Variants in HYAL4 observed in about 807,000 individuals in gnomAD.
HYAL4 encodes hyaluronidase 4, also known as hyaluronidase-4.
HYAL4 carries 37 observed loss-of-function variants against 35.2 expected under a neutral mutation model. The observed-to-expected ratio is 1.05, with a 90% confidence interval of 0.81 to 1.38. The LOEUF is 1.38. Among genes scored for constraint, HYAL4 ranks in the 40% most tolerant of loss-of-function variants. The pLI, the probability that HYAL4 is intolerant of heterozygous loss-of-function variation, is 0.00. For synonymous variants in HYAL4, 198 were observed against 203.2 expected, an observed-to-expected ratio of 0.97 and a Z score of 0.22; for missense variants, 572 against 572.4, an observed-to-expected ratio of 1.00 and a Z score of 0.01.
intron 2 of HYAL4, among the ~76,000 whole-genome samples, chr7:123,848,474 T>C (rs1273464419): frequency 3.9e-5 from 6 of 152,128 alleles, no homozygotes; most frequent in African/African-American, 1.4e-4. Flanking sequence ...CTTGTGCACA[T>C]AGTTTCTGTG....
chr7:123,831,198 A>G (rs1005364660), intron 1 of HYAL4, among the ~76,000 whole-genome samples: 1 of 152,106 alleles, frequency 6.6e-6, no homozygotes, highest in African/African-American at 2.4e-5. Context: ...GGAATGAGTG[A>G]GTTCCCTTGT....
At chr7:123,784,987 A>C in the HYAL4 span, among the ~76,000 whole-genome samples, 1 of 152,186 alleles carries the variant, frequency 6.6e-6, no homozygotes, top group African/African-American at 2.4e-5. Flanking sequence ...TGTTTTTCTG[A>C]TCAAAACCAG....
chr7:123,849,314 T>C (rs1806247903), intron 2 of HYAL4, among the ~76,000 whole-genome samples: 1 of 151,996 alleles, frequency 6.6e-6, no homozygotes, highest in South Asian at 2.1e-4. Flanking sequence ...TCTTTCTCTC[T>C]CTCTTTGAGA....
At chr7:123,813,637 C>A in the HYAL4 span, among the ~76,000 whole-genome samples, 1 of 152,204 alleles carries the variant, frequency 6.6e-6, no homozygotes. Context: ...CAGTGCATTT[C>A]AAATTGCATG....
At chr7:123,871,976 G>A (rs1425298151) in intron 3 of HYAL4, among the ~76,000 whole-genome samples, 2 of 152,180 alleles carry the variant, frequency 1.3e-5, no homozygotes, top group African/African-American at 4.8e-5. Flanking sequence ...ACCTGATGCT[G>A]TGCTTTTAAA....
chr7:123,850,939 G>A (rs1256195595), intron 2 of HYAL4, among the ~76,000 whole-genome samples: 1 of 152,126 alleles, frequency 6.6e-6, no homozygotes. Flanking sequence ...AATCTATTGT[G>A]AAACATTTTG....
At chr7:123,767,293 G>T in the HYAL4 span, among the ~76,000 whole-genome samples, 7 of 152,148 alleles carry the variant, frequency 4.6e-5, no homozygotes, top group East Asian at 1.9e-4. Context: ...AACAATTTAA[G>T]TGTAGTAGCT....
chr7:123,842,130 A>G (rs1159457861), upstream of HYAL4, among the ~76,000 whole-genome samples: 1 of 152,018 alleles, frequency 6.6e-6, no homozygotes, highest in East Asian at 1.9e-4. Flanking sequence ...TGTTGTGGGC[A>G]TTTAGTGCTA....
the HYAL4 span, among the ~76,000 whole-genome samples, chr7:123,811,845 T>C: frequency 6.6e-6 from 1 of 152,062 alleles, no homozygotes; most frequent in Non-Finnish European, 1.5e-5. Context: ...TTTGTTGTTG[T>C]TGTTGTTGTT....
upstream of HYAL4, among the ~76,000 whole-genome samples, chr7:123,824,980 C>A (rs1805780041): frequency 6.6e-6 from 1 of 152,118 alleles, no homozygotes; most frequent in African/African-American, 2.4e-5. Context: ...ACTTCAAATT[C>A]CTTTCACAGA....
the HYAL4 span, chr7:123,819,375 C>T: frequency 6.6e-6 from 1 of 152,612 alleles, no homozygotes; most frequent in Non-Finnish European, 1.5e-5. Flanking sequence ...GAAAGTGCAG[C>T]ATTGGGGGCA....
At chr7:123,792,006 C>T in the HYAL4 span, among the ~76,000 whole-genome samples, 1 of 152,190 alleles carries the variant, frequency 6.6e-6, no homozygotes, top group African/African-American at 2.4e-5. Context: ...TTTTCATCTT[C>T]TTTGGGACAG....
chr7:123,807,432 GTT>G, the HYAL4 span, among the ~76,000 whole-genome samples: 9 of 120,766 alleles, frequency 7.5e-5, no homozygotes, highest in Non-Finnish European at 1.0e-4. Flanking sequence ...ACTTTTTATG[GTT>G]TTTTTTTTTT....
At chr7:123,792,420 G>T in the HYAL4 span, among the ~76,000 whole-genome samples, 1 of 152,154 alleles carries the variant, frequency 6.6e-6, no homozygotes, top group Admixed American at 6.5e-5. Flanking sequence ...AAATTACCTT[G>T]CTGAGGTTCA....
At chr7:123,773,812 G>A in the HYAL4 span, among the ~76,000 whole-genome samples, 3 of 152,018 alleles carry the variant, frequency 2.0e-5, no homozygotes, top group Non-Finnish European at 2.9e-5. Context: ...TTCTTCTTAG[G>A]CAATGCTCAT....
chr7:123,823,523 T>G, the HYAL4 span, among the ~76,000 whole-genome samples: 2 of 151,968 alleles, frequency 1.3e-5, no homozygotes, highest in Non-Finnish European at 2.9e-5. Flanking sequence ...TAGAGAGAGA[T>G]TAGCATTATT....
chr7:123,796,466 A>T, the HYAL4 span, among the ~76,000 whole-genome samples: 3 of 152,250 alleles, frequency 2.0e-5, no homozygotes, highest in African/African-American at 7.2e-5. Context: ...TTTATAGATT[A>T]AAAAACTGAG....
the HYAL4 span, among the ~76,000 whole-genome samples, chr7:123,819,131 A>G: frequency 6.6e-6 from 1 of 152,142 alleles, no homozygotes; most frequent in African/African-American, 2.4e-5. Context: ...TCACCATTCT[A>G]CTATCTACTT....
chr7:123,860,980 C>G (rs976458361), intron 2 of HYAL4, among the ~76,000 whole-genome samples: 8 of 152,146 alleles, frequency 5.3e-5, no homozygotes, highest in African/African-American at 1.9e-4. Context: ...AGGACTGAGG[C>G]AAAATTTGAA....
Sources: allele counts gnomAD v4.1 joint callset (sites outside exome capture counted in the v4.1 genomes callset), GRCh38; gene constraint gnomAD v4.1.1; transcripts MANE v1.5; gene names NCBI Gene and HGNC (gene_info 2026-07-23, HGNC 2026-07-21).